Variants in DNAJC15 observed in about 807,000 individuals in gnomAD.
The protein encoded by DNAJC15 is DnaJ heat shock protein family (Hsp40) member C15.
In DNAJC15, 27 loss-of-function variants were observed where a neutral mutation model predicts 22.4. The observed-to-expected ratio is 1.20, with a 90% CI of 0.89 to 1.66. DNAJC15 has a LOEUF of 1.66. DNAJC15 is among the 40% of genes most tolerant of loss of function. DNAJC15 has a pLI of 0.00. For missense variants in DNAJC15, 208 were observed against 187.1 expected (o/e 1.11, Z -0.65); for synonymous variants, 79 against 63.2 (o/e 1.25, Z -1.19).
chr13:43,052,806 A>G (rs2040511825), intron 1 of DNAJC15, among the ~76,000 whole-genome samples: 1 of 152,120 alleles, frequency 6.6e-6, no homozygotes, highest in Admixed American at 6.5e-5. Context: ...CCTGTGTTGG[A>G]TACATAGTTT....
chr13:43,036,803 G>A (rs577181774), intron 1 of DNAJC15, among the ~76,000 whole-genome samples: 15 of 152,370 alleles, frequency 9.8e-5, no homozygotes, highest in African/African-American at 3.6e-4. Context: ...TGAAGTGGCA[G>A]GGGGCTGGCA....
chr13:43,074,027 A>T lies in DNAJC15; in HGVS notation c.235-4585A>T, dbSNP rs192050172. On this transcript the variant is annotated intron_variant, in intron 3 of 5. Coordinates refer to ENST00000379221, the MANE Select transcript of DNAJC15 (RefSeq NM_013238.3). ...TCCTTTTATTTGAATATAATTTTTT[A>T]AATTGCATTTATTTTGTTTTATGAT... Among the ~76,000 whole-genome samples the T allele has an allele frequency of 5.1e-3, 774 of 151,628 alleles. 7 individuals are homozygous for T. Among genetic ancestry groups the T allele is most frequent in the African/African-American group, 0.017 (721 of 41,364 alleles).
chr13:43,041,435 A>G (rs2040453332), intron 1 of DNAJC15, among the ~76,000 whole-genome samples: 1 of 152,216 alleles, frequency 6.6e-6, no homozygotes, highest in African/African-American at 2.4e-5. Context: ...AGTACAGAAC[A>G]AAATGGAGTC....
intron 3 of DNAJC15, among the ~76,000 whole-genome samples, chr13:43,077,478 G>T (rs1192128916): frequency 2.1e-4 from 32 of 152,180 alleles, no homozygotes. Context: ...CCAAGTTGGG[G>T]CAAGGGGTCA....
intron 3 of DNAJC15, among the ~76,000 whole-genome samples, chr13:43,073,958 CTTCT>C (rs1231797344): frequency 7.5e-5 from 10 of 133,946 alleles, no homozygotes; most frequent in South Asian, 5.6e-4. Flanking sequence ...ACCCATCCTT[CTTCT>C]TTTTTTTTTG....
chr13:43,081,953 G>A (rs968816452), intron 4 of DNAJC15, among the ~76,000 whole-genome samples: 26 of 152,080 alleles, frequency 1.7e-4, no homozygotes, highest in East Asian at 5.8e-4. Context: ...GTGGCAGCAG[G>A]CAAGAGAGCA....
intron 5 of DNAJC15, among the ~76,000 whole-genome samples, chr13:43,105,550 G>A (rs182524548): frequency 1.2e-4 from 19 of 152,212 alleles, no homozygotes; most frequent in Non-Finnish European, 2.4e-4. Context: ...TGAATAAATT[G>A]TCATGTCATT....
At chr13:43,070,009 T>C (rs571484927) in intron 3 of DNAJC15, among the ~76,000 whole-genome samples, 1 of 152,354 alleles carries the variant, frequency 6.6e-6, no homozygotes, top group East Asian at 1.9e-4. Flanking sequence ...AATACCATTA[T>C]CACAGCTATT....
intron 1 of DNAJC15, among the ~76,000 whole-genome samples, chr13:43,060,740 A>G (rs775889357): frequency 6.6e-6 from 1 of 152,176 alleles, no homozygotes; most frequent in Admixed American, 6.5e-5. Context: ...AGCCTGAGAA[A>G]CAGCTTGGGT....
chr13:43,069,839 G>T (rs980893888), intron 3 of DNAJC15, among the ~76,000 whole-genome samples: 2 of 152,124 alleles, frequency 1.3e-5, no homozygotes, highest in African/African-American at 2.4e-5. Flanking sequence ...TAATTAAACA[G>T]GGAAAGTAAG....
chr13:43,066,855 G>A (rs1283295386), intron 2 of DNAJC15, among the ~76,000 whole-genome samples: 3 of 152,192 alleles, frequency 2.0e-5, no homozygotes, highest in Admixed American at 6.5e-5. Context: ...GCCTGACCTC[G>A]TGATCCACCC....
chr13:43,052,385 T>C (rs1297080292), intron 1 of DNAJC15, among the ~76,000 whole-genome samples: 1 of 152,160 alleles, frequency 6.6e-6, no homozygotes, highest in Non-Finnish European at 1.5e-5. Flanking sequence ...GCTATTTGTG[T>C]ATCTTCTTTT....
chr13:43,099,258 C>T (rs2040755427), intron 5 of DNAJC15, among the ~76,000 whole-genome samples: 1 of 152,126 alleles, frequency 6.6e-6, no homozygotes, highest in Non-Finnish European at 1.5e-5. Context: ...CCTTGCTGAA[C>T]TTATTTATTA....
intron 1 of DNAJC15, among the ~76,000 whole-genome samples, chr13:43,037,570 C>T (rs180758500): frequency 1.3e-5 from 2 of 151,978 alleles, no homozygotes; most frequent in Non-Finnish European, 2.9e-5. Flanking sequence ...CATGTTAAAC[C>T]CATCTCACCA....
chr13:43,059,847 C>CA (rs2040549959), intron 1 of DNAJC15, among the ~76,000 whole-genome samples: 1 of 151,788 alleles, frequency 6.6e-6, no homozygotes, highest in African/African-American at 2.4e-5. Flanking sequence ...AGCAATGTTT[C>CA]GCGGGCATGG....
At chr13:43,073,954 CCTT>C (rs78133358) in intron 3 of DNAJC15, among the ~76,000 whole-genome samples, 3,093 of 141,768 alleles carry the variant, frequency 0.022, 79 homozygotes, top group South Asian at 0.11. Flanking sequence ...GAAAACCCAT[CCTT>C]CTTCTTTTTT....
chr13:43,032,074 C>T lies in DNAJC15; in HGVS notation c.108+8340C>T, dbSNP rs74702067. 3.0e-3 allele frequency among the ~76,000 whole-genome samples: 456 copies of T among 152,278 alleles called. 3 individuals are homozygous for T. Among genetic ancestry groups the T allele is most frequent in the African/African-American group, 0.01 (427 of 41,516 alleles). ...AAAACCACTCTACATTAATTGGAACCACGGATGTCTGTTCAGGGGGAGCTG... is the reference window on the plus strand; with the variant it reads ...AAAACCACTCTACATTAATTGGAACTACGGATGTCTGTTCAGGGGGAGCTG... On this transcript the variant is annotated intron_variant, in intron 1 of 5. Coordinates refer to ENST00000379221, the MANE Select transcript of DNAJC15 (RefSeq NM_013238.3).
chr13:43,063,814 T>G (rs1487052665), intron 1 of DNAJC15, among the ~76,000 whole-genome samples: 1 of 152,088 alleles, frequency 6.6e-6, no homozygotes, highest in Non-Finnish European at 1.5e-5. Context: ...TCTAGTGAGA[T>G]GAAAGAATAA....
At chr13:43,059,496 C>A (rs1380562878) in intron 1 of DNAJC15, among the ~76,000 whole-genome samples, 2 of 152,172 alleles carry the variant, frequency 1.3e-5, no homozygotes, top group Non-Finnish European at 2.9e-5. Context: ...TCCCGAGTAG[C>A]TGGGATTACG....
Sources: allele counts gnomAD v4.1 joint callset (sites outside exome capture counted in the v4.1 genomes callset), GRCh38; gene constraint gnomAD v4.1.1; transcripts MANE v1.5; gene names NCBI Gene and HGNC (gene_info 2026-07-23, HGNC 2026-07-21).